Variants in SPTLC2 observed in about 807,000 individuals in gnomAD.
SPTLC2 encodes serine palmitoyltransferase long chain base subunit 2, also known as serine palmitoyltransferase 2.
A neutral mutation model predicts 62.0 loss-of-function variants in SPTLC2; 21 were observed. The observed-to-expected ratio is 0.34, with a 90% CI of 0.24 to 0.49. The LOEUF (loss-of-function observed/expected upper bound fraction) is 0.49. SPTLC2 is among the 20% of genes least tolerant of loss of function. The probability of loss-of-function intolerance (pLI) is 0.99; values close to 1 mark genes in which losing one functional copy is unlikely to be tolerated. For synonymous variants in SPTLC2, 261 were observed against 261.8 expected (o/e 1.00, Z 0.03); for missense variants, 511 against 713.0 (o/e 0.72, Z 3.23).
chr14:77,524,648 T>C (rs946173996), intron 9 of SPTLC2, among the ~76,000 whole-genome samples: 5 of 152,308 alleles, frequency 3.3e-5, no homozygotes, highest in Non-Finnish European at 7.4e-5. Flanking sequence ...ATGTGGCAGA[T>C]GCACACAACG....
intron 9 of SPTLC2, among the ~76,000 whole-genome samples, chr14:77,547,396 T>C (rs1366429242): frequency 6.6e-6 from 1 of 152,146 alleles, no homozygotes. Flanking sequence ...CAAACGTTCT[T>C]GGGCTCAGGA....
chr14:77,537,123 A>T (rs367942077), intron 9 of SPTLC2, among the ~76,000 whole-genome samples: 1 of 151,960 alleles, frequency 6.6e-6, no homozygotes, highest in African/African-American at 2.4e-5. Context: ...GGGTTTCACC[A>T]TCTTGGCAAG....
chr14:77,544,126 C>G lies in SPTLC2; in HGVS notation c.1303+7970G>C, dbSNP rs568695646. ...GGGTTTGTGCAATCCTCCGCCTTGGCCTCCCAAGTAGCTAGGATTACAGAC... is the reference window on the plus strand; with the variant it reads ...GGGTTTGTGCAATCCTCCGCCTTGGGCTCCCAAGTAGCTAGGATTACAGAC... On this transcript the variant is annotated intron_variant, in intron 9 of 11. Coordinates refer to ENST00000216484, the MANE Select transcript of SPTLC2 (RefSeq NM_004863.4). Among the ~76,000 whole-genome samples the G allele has an allele frequency of 4.6e-5, 7 of 152,116 alleles. No individual in the cohort carries two copies. The South Asian group carries it at 8.3e-4, about 18-fold the overall frequency.
Position 77,511,471 on chromosome 14 carries a change from A to C in SPTLC2, c.*813T>G, listed in dbSNP as rs1224705710. On this transcript the variant is annotated 3_prime_UTR_variant, in exon 12 of 12. Coordinates refer to ENST00000216484, the MANE Select transcript of SPTLC2 (RefSeq NM_004863.4). ...CGGAGCAGCTTTGTACCCAACACTCAGATGTGAGAGTGGCCTTCTCACCAG... is the reference window on the plus strand; with the variant it reads ...CGGAGCAGCTTTGTACCCAACACTCCGATGTGAGAGTGGCCTTCTCACCAG... 1.3e-5 allele frequency: 2 copies of C among 152,734 alleles called. No individual in the cohort carries two copies. Among genetic ancestry groups the C allele is most frequent in the Admixed American group, 6.5e-5 (1 of 15,326 alleles). The allele number at this position is 152,734 out of a possible 1,614,324, so 9.5% of individuals were successfully genotyped here.
intron 9 of SPTLC2, among the ~76,000 whole-genome samples, chr14:77,527,748 G>GT (rs10711147): frequency 1.6e-4 from 24 of 151,150 alleles, no homozygotes; most frequent in Admixed American, 3.3e-4. Flanking sequence ...TTTTTTTTTT[G>GT]TTTTTTTGAA....
rs2079495870 is a variant in SPTLC2, at chr14:77,540,631, C to T, written c.1303+11465G>A. 3.3e-5 allele frequency among the ~76,000 whole-genome samples: 5 copies of T among 152,066 alleles called. 1 individual carries two copies. In the South Asian group the frequency reaches 1.0e-3, roughly 32 times the overall value. Reference sequence around the variant, plus strand: ...CTGGGACTACAGACGGCCGCCACCACACCTGGCTAATTTTTGTATTTTTAG... The same window carrying T: ...CTGGGACTACAGACGGCCGCCACCATACCTGGCTAATTTTTGTATTTTTAG... On this transcript the variant is annotated intron_variant, in intron 9 of 11. Coordinates refer to ENST00000216484, the MANE Select transcript of SPTLC2 (RefSeq NM_004863.4).
At chr14:77,572,107 A>C (rs1350553416) in intron 4 of SPTLC2, among the ~76,000 whole-genome samples, 2 of 152,220 alleles carry the variant, frequency 1.3e-5, no homozygotes, top group Non-Finnish European at 2.9e-5. Flanking sequence ...ATAAAATATC[A>C]AATGCCATAA....
intron 9 of SPTLC2, among the ~76,000 whole-genome samples, chr14:77,537,924 TACA>T (rs1192684884): frequency 6.6e-6 from 1 of 152,352 alleles, no homozygotes; most frequent in Non-Finnish European, 1.5e-5. Flanking sequence ...CTATCTTCCA[TACA>T]ACATGTTCCG....
Position 77,546,495 on chromosome 14 carries a change from G to C in SPTLC2, c.1303+5601C>G, listed in dbSNP as rs1464433814. Reference sequence around the variant, plus strand: ...TAAGGTTTTAGGGGAGTGGGAGTGAGTGAAGGAGGAGGTTGTAGAAGAGAA... The same window carrying C: ...TAAGGTTTTAGGGGAGTGGGAGTGACTGAAGGAGGAGGTTGTAGAAGAGAA... On this transcript the variant is annotated intron_variant, in intron 9 of 11. Transcript: ENST00000216484. Among the ~76,000 whole-genome samples, 3 of 152,176 alleles carry C rather than the reference G, an allele frequency of 2.0e-5. No individual in the cohort carries two copies. The East Asian group carries it at 5.8e-4, about 29-fold the overall frequency.
chr14:77,564,778 G>A (rs143016282), intron 5 of SPTLC2, among the ~76,000 whole-genome samples: 7 of 151,596 alleles, frequency 4.6e-5, no homozygotes, highest in Middle Eastern at 6.9e-3. Context: ...ACTAAAACTC[G>A]AGCAACAAAA....
chr14:77,571,567 G>A (rs1443093149), intron 4 of SPTLC2, among the ~76,000 whole-genome samples: 1 of 150,710 alleles, frequency 6.6e-6, no homozygotes, highest in South Asian at 2.1e-4. Flanking sequence ...AATTTGTACC[G>A]CAATTTTATA....
chr14:77,574,916 T>C (rs978673370), intron 4 of SPTLC2, among the ~76,000 whole-genome samples: 2 of 152,126 alleles, frequency 1.3e-5, no homozygotes, highest in African/African-American at 4.8e-5. Context: ...TATTTAAAAT[T>C]AGATGGTGGG....
intron 1 of SPTLC2, among the ~76,000 whole-genome samples, chr14:77,597,789 T>C (rs1315096222): frequency 7.0e-6 from 1 of 143,230 alleles, no homozygotes; most frequent in East Asian, 2.1e-4. Context: ...AAAAAAGGAA[T>C]TTTCTAAGTT....
At chr14:77,526,405 G>T (rs1303784539) in intron 9 of SPTLC2, among the ~76,000 whole-genome samples, 1 of 152,136 alleles carries the variant, frequency 6.6e-6, no homozygotes, top group Non-Finnish European at 1.5e-5. Context: ...GAACACAGAT[G>T]GAAATATAAA....
chr14:77,550,746 A>G (rs1346746042), intron 9 of SPTLC2, among the ~76,000 whole-genome samples: 1 of 151,244 alleles, frequency 6.6e-6, no homozygotes, highest in African/African-American at 2.4e-5. Flanking sequence ...TACAAAAAAT[A>G]CAAAAAAAAT....
chr14:77,613,788 C>G (rs1990806), intron 1 of SPTLC2, among the ~76,000 whole-genome samples: 35,756 of 152,114 alleles, frequency 0.24, 4,454 homozygotes, highest in East Asian at 0.32. Flanking sequence ...CAACATTTCC[C>G]CCCCAGAAAG....
intron 5 of SPTLC2, among the ~76,000 whole-genome samples, chr14:77,565,502 A>T (rs954998841): frequency 2.0e-5 from 3 of 152,216 alleles, no homozygotes; most frequent in African/African-American, 7.2e-5. Context: ...AGTCTCTCGC[A>T]TGATTCACTG....
chr14:77,521,738 A>G, intron 9 of SPTLC2, 157 bp from the exon 10 acceptor site: 1 of 693,928 alleles, frequency 1.4e-6, no homozygotes. Flanking sequence ...CATATGGAAT[A>G]TAAATGTAAA....
At chr14:77,573,468 T>C (rs1044695805) in intron 4 of SPTLC2, among the ~76,000 whole-genome samples, 4 of 150,438 alleles carry the variant, frequency 2.7e-5, no homozygotes, top group Non-Finnish European at 4.4e-5. Context: ...ACAAATGTTA[T>C]GTATCAATAA....
Sources: allele counts gnomAD v4.1 joint callset (sites outside exome capture counted in the v4.1 genomes callset), GRCh38; gene constraint gnomAD v4.1.1; transcripts MANE v1.5; gene names NCBI Gene and HGNC (gene_info 2026-07-23, HGNC 2026-07-21).